The following HOMER1 variants were observed in gnomAD, a reference collection of about 807,000 sequenced individuals.
HOMER1 encodes the protein homer scaffold protein 1.
In HOMER1, 3 loss-of-function variants were observed where a neutral mutation model predicts 48.9. The ratio of observed to expected loss-of-function variants is 0.06; its 90% CI spans 0.03 to 0.16. The LOEUF is 0.16. Ranked by LOEUF, HOMER1 falls within the 10% of genes least tolerant of loss-of-function variation. The pLI, the probability that HOMER1 is intolerant of heterozygous loss-of-function variation, is 1.00. For missense variants in HOMER1, 247 were observed against 411.4 expected (o/e 0.60, Z 3.46); for synonymous variants, 134 against 146.4 (o/e 0.92, Z 0.61).
intron 5 of HOMER1, among the ~76,000 whole-genome samples, chr5:79,437,388 T>G (rs1750613885): frequency 6.6e-6 from 1 of 152,186 alleles, no homozygotes; most frequent in Admixed American, 6.5e-5. Context: ...AGTAAAATAT[T>G]TTTTAAAATT....
At chr5:79,461,538 T>C (rs1751318275) in intron 1 of HOMER1, among the ~76,000 whole-genome samples, 1 of 152,196 alleles carries the variant, frequency 6.6e-6, no homozygotes, top group Non-Finnish European at 1.5e-5. Context: ...TACATTAGCA[T>C]GTTAAAGGTT....
At chr5:79,429,426 T>C (rs1193623893) in intron 5 of HOMER1, among the ~76,000 whole-genome samples, 1 of 152,084 alleles carries the variant, frequency 6.6e-6, no homozygotes, top group Non-Finnish European at 1.5e-5. Context: ...TGGGACATAA[T>C]TAAGACTCCA....
chr5:79,485,942 C>T (rs1752087459), intron 1 of HOMER1, among the ~76,000 whole-genome samples: 1 of 152,128 alleles, frequency 6.6e-6, no homozygotes, highest in African/African-American at 2.4e-5. Flanking sequence ...ACTGCCTGAA[C>T]CAAAATAATG....
chr5:79,474,066 CTG>C (rs2112329945), intron 1 of HOMER1, among the ~76,000 whole-genome samples: 1 of 152,176 alleles, frequency 6.6e-6, no homozygotes, highest in South Asian at 2.1e-4. Context: ...GGCTCTCAGT[CTG>C]TCTCCCAGGC....
At chr5:79,380,326 C>T (rs544106324) in intron 8 of HOMER1, among the ~76,000 whole-genome samples, 1 of 152,160 alleles carries the variant, frequency 6.6e-6, no homozygotes, top group Non-Finnish European at 1.5e-5. Context: ...TGCAGCAAGG[C>T]CCCATTTTAG....
At chr5:79,423,133 T>C (rs1309039769) in intron 5 of HOMER1, among the ~76,000 whole-genome samples, 2 of 152,164 alleles carry the variant, frequency 1.3e-5, no homozygotes, top group African/African-American at 2.4e-5. Context: ...AGTTATTAAA[T>C]GCTTACATCT....
rs560361657 is a variant in HOMER1 at position 79,460,209 on chromosome 5, G to A, written c.6-3191C>T. Among the ~76,000 whole-genome samples, 4 of 152,244 alleles carry A rather than the reference G, an allele frequency of 2.6e-5. No homozygotes were observed. The South Asian group carries it at 8.3e-4, about 32-fold the overall frequency. The stretch of plus-strand genomic sequence containing the variant: ...GGGCCACGTGTGGTGGCTCACACCT[G>A]TAATCCCAGTGCTTTGGGAGGCCAA... On this transcript the variant is annotated intron_variant, in intron 1 of 8. Coordinates refer to ENST00000334082, the MANE Select transcript of HOMER1 (RefSeq NM_004272.5).
At chr5:79,474,331 G>A (rs953081613) in intron 1 of HOMER1, among the ~76,000 whole-genome samples, 6 of 148,052 alleles carry the variant, frequency 4.1e-5, no homozygotes, top group African/African-American at 1.5e-4. Flanking sequence ...GAGATTACAG[G>A]CATGAGCTAC....
chr5:79,431,927 C>T (rs1750437666), intron 5 of HOMER1, among the ~76,000 whole-genome samples: 1 of 152,180 alleles, frequency 6.6e-6, no homozygotes, highest in Admixed American at 6.5e-5. Context: ...CCAATCTTTA[C>T]AGAGATTTCT....
chr5:79,451,311 T>C (rs1751022003), intron 2 of HOMER1, among the ~76,000 whole-genome samples, 190 bp from the exon 3 acceptor site: 1 of 152,126 alleles, frequency 6.6e-6, no homozygotes, highest in African/African-American at 2.4e-5. Flanking sequence ...AAAATATAAA[T>C]ATGATGACAC....
intron 5 of HOMER1, among the ~76,000 whole-genome samples, chr5:79,413,831 T>C (rs1289992882): frequency 2.6e-4 from 40 of 152,180 alleles, no homozygotes; most frequent in Admixed American, 2.6e-3. Flanking sequence ...AATTTTTCTT[T>C]ATAAAAGTTA....
chr5:79,467,999 C>T (rs1001518067), intron 1 of HOMER1, among the ~76,000 whole-genome samples: 2 of 152,134 alleles, frequency 1.3e-5, no homozygotes, highest in African/African-American at 4.8e-5. Context: ...GTCTCAAACT[C>T]CTGGGCTCAT....
chr5:79,478,235 T>C (rs1751840342), intron 1 of HOMER1, among the ~76,000 whole-genome samples: 2 of 152,242 alleles, frequency 1.3e-5, no homozygotes, highest in South Asian at 2.1e-4. Flanking sequence ...GAAACACTTA[T>C]TATACTCCAT....
chr5:79,478,075 A>C (rs931440901), intron 1 of HOMER1, among the ~76,000 whole-genome samples: 6 of 152,198 alleles, frequency 3.9e-5, no homozygotes, highest in Non-Finnish European at 8.8e-5. Flanking sequence ...CATTTTAACA[A>C]GACCATTTTC....
chr5:79,386,957 TCCTTC>T (rs1182329526), intron 8 of HOMER1, among the ~76,000 whole-genome samples: 18 of 123,554 alleles, frequency 1.5e-4, no homozygotes, highest in African/African-American at 3.4e-4. Flanking sequence ...TTTCCTTTCT[TCCTTC>T]CCTTCCCTTC....
rs763138441 is a variant in HOMER1, at chr5:79,402,001, A to G, written c.582T>C (p.Asn194=). ...EAELATLKGN[N]AKLTAALLES... is the part of the protein sequence containing the mutation. The stretch of plus-strand genomic sequence containing the variant: ...CCAGCAGGGCTGCAGTGAGTTTGGC[A>G]TTATTTCCTTTGAGGGTAGCCAGTT... The change falls in exon 6 of 9, where the codon AAT becomes AAC. Residue 194 remains asparagine (N), a synonymous_variant. Coordinates refer to ENST00000334082, the MANE Select transcript of HOMER1 (RefSeq NM_004272.5). 1 of 1,613,984 alleles carries G rather than the reference A, an allele frequency of 6.2e-7. No individual in the cohort carries two copies. The highest frequency in any genetic ancestry group is 1.3e-5 in the African/African-American group (1 of 75,012).
chr5:79,487,581 C>G (rs1487234609), intron 1 of HOMER1, among the ~76,000 whole-genome samples: 1 of 152,024 alleles, frequency 6.6e-6, no homozygotes, highest in Non-Finnish European at 1.5e-5. Context: ...GTGAAAAATT[C>G]TACAGGACAA....
chr5:79,502,369 T>C (rs557206296), intron 1 of HOMER1, among the ~76,000 whole-genome samples: 125 of 152,154 alleles, frequency 8.2e-4, no homozygotes, highest in Non-Finnish European at 1.6e-3. Flanking sequence ...ACCCTCACTC[T>C]TAAAACCCAA....
chr5:79,446,895 C>G (rs1750901264), intron 4 of HOMER1, among the ~76,000 whole-genome samples, 158 bp downstream of exon 4: 2 of 148,450 alleles, frequency 1.3e-5, no homozygotes, highest in South Asian at 4.3e-4. Flanking sequence ...CTCAAGTAAT[C>G]CTCCCACCTA....
Sources: allele counts gnomAD v4.1 joint callset (sites outside exome capture counted in the v4.1 genomes callset), GRCh38; gene constraint gnomAD v4.1.1; transcripts MANE v1.5; gene names NCBI Gene and HGNC (gene_info 2026-07-23, HGNC 2026-07-21).